Variants in USH2A observed in about 807,000 individuals in gnomAD.
USH2A encodes usherin, also known as Usher syndrome 2A (autosomal recessive, mild).
A neutral mutation model predicts 538.9 loss-of-function variants in USH2A; 443 were observed. The observed-to-expected ratio is 0.82, with a 90% CI of 0.76 to 0.89. The LOEUF (loss-of-function observed/expected upper bound fraction) is 0.89, where lower values mean the gene tolerates loss of function less well. USH2A is among the 40% of genes least tolerant of loss of function. USH2A has a pLI of 0.00. For synonymous variants in USH2A, 2,413 were observed against 2,273.5 expected (o/e 1.06, Z -1.75); for missense variants, 6,633 against 6,324.8 (o/e 1.05, Z -1.65).
intron 61 of USH2A, among the ~76,000 whole-genome samples, chr1:215,682,713 C>T (rs998494203): frequency 1.3e-5 from 2 of 150,216 alleles, no homozygotes; most frequent in African/African-American, 2.5e-5. Context: ...TACAAAGGGT[C>T]ATTACAACAG....
intron 49 of USH2A, among the ~76,000 whole-genome samples, chr1:215,802,813 A>G (rs952804607): frequency 6.6e-6 from 1 of 152,176 alleles, no homozygotes; most frequent in African/African-American, 2.4e-5. Flanking sequence ...ACATTTCTAC[A>G]TCAATGTTTA....
At chr1:216,014,765 C>T (rs1280056660) in intron 32 of USH2A, among the ~76,000 whole-genome samples, 1 of 152,208 alleles carries the variant, frequency 6.6e-6, no homozygotes, top group African/African-American at 2.4e-5. Context: ...CATCCCAGTG[C>T]ATGGAAACCT....
chr1:216,130,560 TTATATATAA>T (rs200623096), intron 21 of USH2A, among the ~76,000 whole-genome samples: 392 of 146,242 alleles, frequency 2.7e-3, no homozygotes, highest in African/African-American at 9.2e-3. Flanking sequence ...TTTATATATA[TTATATATAA>T]TATATAATAT....
intron 4 of USH2A, among the ~76,000 whole-genome samples, chr1:216,336,832 T>C (rs1039655411): frequency 2.0e-5 from 3 of 151,544 alleles, no homozygotes; most frequent in Non-Finnish European, 4.4e-5. Context: ...GGAAAATTCT[T>C]TGTGACCTTG....
chr1:215,650,543 A>C (rs1657023769), intron 65 of USH2A, 49 bp downstream of exon 65: 1 of 1,606,072 alleles, frequency 6.2e-7, no homozygotes, highest in Admixed American at 1.7e-5. Context: ...TTTCATAGTA[A>C]TGATTTTTAA....
At position 216,247,056 on chromosome 1, in the gene USH2A, A is replaced by T. The variant is rs756192974; in HGVS notation, c.2338T>A (p.Cys780Ser). 2 of 1,613,934 alleles carry T rather than the reference A, an allele frequency of 1.2e-6. No homozygotes were observed. Among genetic ancestry groups the T allele is most frequent in the Admixed American group, 3.3e-5 (2 of 59,984 alleles). ...TCTAACCCATAAAAGTTTTCTCTGC[A>T]GGTGTCACACTGAAGTCCTTTGGCT... ...KEAKGLQCDT[C>S]RENFYGLDVT... Residue 780 changes from cysteine (C) to serine (S), a missense_variant, in exon 13 of 72, where the codon TGC becomes AGC. Coordinates refer to ENST00000307340, the MANE Select transcript of USH2A (RefSeq NM_206933.4).
At chr1:216,401,006 C>T (rs115786722) in intron 3 of USH2A, among the ~76,000 whole-genome samples, 5,235 of 151,982 alleles carry the variant, frequency 0.034, 123 homozygotes, top group Middle Eastern at 0.079. Context: ...ATAAGAATAT[C>T]AGAATGAATA....
chr1:215,706,810 A>G (rs765534705), intron 61 of USH2A, among the ~76,000 whole-genome samples: 4 of 152,210 alleles, frequency 2.6e-5, no homozygotes, highest in Non-Finnish European at 5.9e-5. Context: ...TTTGTTATGG[A>G]ATATCTATTG....
chr1:216,280,339 T>C (rs556791488), intron 11 of USH2A, among the ~76,000 whole-genome samples: 1 of 152,000 alleles, frequency 6.6e-6, no homozygotes, highest in Non-Finnish European at 1.5e-5. Flanking sequence ...TTTTGGTTCA[T>C]GTATCCCTTT....
At chr1:215,812,490 T>G (rs1403105467) in intron 49 of USH2A, among the ~76,000 whole-genome samples, 1 of 152,176 alleles carries the variant, frequency 6.6e-6, no homozygotes, top group African/African-American at 2.4e-5. Context: ...AAACAGACAC[T>G]GGGTTAGACA....
intron 21 of USH2A, among the ~76,000 whole-genome samples, chr1:216,102,209 CG>C (rs2032598847): frequency 6.6e-6 from 1 of 151,484 alleles, no homozygotes; most frequent in East Asian, 1.9e-4. Context: ...AAAAGATGGT[CG>C]GTATCATTAG....
chr1:216,278,890 T>C (rs1207237939), intron 11 of USH2A, among the ~76,000 whole-genome samples: 1 of 152,184 alleles, frequency 6.6e-6, no homozygotes, highest in Non-Finnish European at 1.5e-5. Flanking sequence ...AGAGAAAGTA[T>C]ATTCTGTTCA....
At chr1:215,729,492 A>G (rs1289094645) in intron 60 of USH2A, among the ~76,000 whole-genome samples, 8 of 152,218 alleles carry the variant, frequency 5.3e-5, no homozygotes, top group Non-Finnish European at 1.2e-4. Flanking sequence ...CCATCATTGT[A>G]TTAGAAACAA....
chr1:215,753,663 G>A (rs1660693638), intron 58 of USH2A, among the ~76,000 whole-genome samples: 1 of 152,112 alleles, frequency 6.6e-6, no homozygotes, highest in African/African-American at 2.4e-5. Context: ...GCCTGTTGTG[G>A]GGTTGGGGGA....
At chr1:215,758,562 A>G (rs1030210480) in intron 58 of USH2A, 33 bp downstream of exon 58, 14 of 1,598,370 alleles carry the variant, frequency 8.8e-6, no homozygotes, top group Non-Finnish European at 1.2e-5. Context: ...AAATGTTTAC[A>G]CACACACACA....
intron 47 of USH2A, among the ~76,000 whole-genome samples, chr1:215,836,874 T>C (rs1358182974): frequency 2.0e-5 from 3 of 151,710 alleles, no homozygotes; most frequent in African/African-American, 7.3e-5. Flanking sequence ...TATATTATTA[T>C]AGCCACAGAT....
intron 37 of USH2A, among the ~76,000 whole-genome samples, chr1:215,945,066 C>T (rs1004585159): frequency 6.6e-6 from 1 of 151,944 alleles, no homozygotes; most frequent in African/African-American, 2.4e-5. Flanking sequence ...GCTTAAGAAC[C>T]TAGAACAGGT....
intron 32 of USH2A, among the ~76,000 whole-genome samples, chr1:216,036,668 GCA>G (rs2029994185): frequency 6.6e-6 from 1 of 152,082 alleles, no homozygotes; most frequent in Non-Finnish European, 1.5e-5. Context: ...AATTCTAATT[GCA>G]CAGATGAAGC....
intron 3 of USH2A, among the ~76,000 whole-genome samples, chr1:216,382,379 G>A (rs1349136960): frequency 6.6e-6 from 1 of 152,180 alleles, no homozygotes; most frequent in East Asian, 1.9e-4. Flanking sequence ...AACATGTGCA[G>A]TTGTAGCAAC....
Sources: allele counts gnomAD v4.1 joint callset (sites outside exome capture counted in the v4.1 genomes callset), GRCh38; gene constraint gnomAD v4.1.1; transcripts MANE v1.5; gene names NCBI Gene and HGNC (gene_info 2026-07-23, HGNC 2026-07-21).